POLD3: variants seen among roughly 807,000 people sequenced by gnomAD.
POLD3 encodes the protein DNA polymerase delta 3, accessory subunit.
Under a neutral mutation model 58.2 loss-of-function variants are expected in POLD3, and 19 were observed. That is an observed-to-expected ratio of 0.33 (90% CI 0.23 to 0.48). The LOEUF is 0.48. Ranked by LOEUF, POLD3 falls within the 20% of genes least tolerant of loss-of-function variation. The probability of loss-of-function intolerance (pLI) is 0.99; values close to 1 mark genes in which losing one functional copy is unlikely to be tolerated. For missense variants in POLD3, 504 were observed against 545.5 expected, an observed-to-expected ratio of 0.92 and a Z score of 0.76; for synonymous variants, 172 against 193.5, an observed-to-expected ratio of 0.89 and a Z score of 0.92.
intron 7 of POLD3, among the ~76,000 whole-genome samples, chr11:74,622,846 A>G (rs1461167222): frequency 6.6e-6 from 1 of 152,232 alleles, no homozygotes; most frequent in East Asian, 1.9e-4. Context: ...TATCTACACA[A>G]GGGAATTAAA....
chr11:74,615,984 T>C (rs2032068921), intron 5 of POLD3, among the ~76,000 whole-genome samples: 1 of 152,174 alleles, frequency 6.6e-6, no homozygotes, highest in Admixed American at 6.5e-5. Flanking sequence ...AAGTCTCTTA[T>C]CTTTTAGGGA....
At chr11:74,598,274 G>C (rs2031349793) in intron 2 of POLD3, among the ~76,000 whole-genome samples, 1 of 152,166 alleles carries the variant, frequency 6.6e-6, no homozygotes, top group Non-Finnish European at 1.5e-5. Flanking sequence ...TGTAAGGAAA[G>C]GGTCCAGCAT....
At chr11:74,605,024 TAGG>T (rs2031629323) in intron 3 of POLD3, among the ~76,000 whole-genome samples, 1 of 152,232 alleles carries the variant, frequency 6.6e-6, no homozygotes, top group African/African-American at 2.4e-5. Flanking sequence ...AATAAGATGT[TAGG>T]AGACTGCTTC....
At chr11:74,626,409 T>C (rs1268318997) in intron 8 of POLD3, among the ~76,000 whole-genome samples, 1 of 152,138 alleles carries the variant, frequency 6.6e-6, no homozygotes, top group African/African-American at 2.4e-5. Flanking sequence ...ATTGAGGAAG[T>C]TGTTTTTTGT....
intron 1 of POLD3, chr11:74,593,038 G>A: frequency 8.6e-7 from 1 of 1,156,294 alleles, no homozygotes; most frequent in Non-Finnish European, 1.1e-6. Context: ...TTCTTTTAAG[G>A]TGGTTGGCGT....
At chr11:74,608,735 T>C (rs188898223) in intron 3 of POLD3, among the ~76,000 whole-genome samples, 5 of 152,334 alleles carry the variant, frequency 3.3e-5, no homozygotes, top group African/African-American at 1.2e-4. Context: ...ATTACTGTTT[T>C]TAGGGCTCTT....
At chr11:74,650,374 C>G (rs1012980594) in intron 4 of POLD3, among the ~76,000 whole-genome samples, 1 of 152,164 alleles carries the variant, frequency 6.6e-6, no homozygotes. Context: ...CCACCAGCAC[C>G]CCTACCTTTC....
At chr11:74,666,628 G>C (rs558187159) in intron 4 of POLD3, among the ~76,000 whole-genome samples, 1 of 152,262 alleles carries the variant, frequency 6.6e-6, no homozygotes, top group African/African-American at 2.4e-5. Context: ...AAAAGACTTA[G>C]TAGTATTCTT....
chr11:74,666,643 T>C (rs772527297), intron 4 of POLD3, among the ~76,000 whole-genome samples: 3 of 152,190 alleles, frequency 2.0e-5, no homozygotes, highest in Non-Finnish European at 2.9e-5. Context: ...ATTCTTAAGA[T>C]GGCAATACTC....
At chr11:74,597,400 T>C (rs1337334473) in intron 2 of POLD3, among the ~76,000 whole-genome samples, 2 of 152,226 alleles carry the variant, frequency 1.3e-5, no homozygotes, top group Non-Finnish European at 2.9e-5. Context: ...CACTTAGAGT[T>C]TAAAAAAATC....
At chr11:74,610,352 A>G (rs1228444325) in intron 3 of POLD3, among the ~76,000 whole-genome samples, 1 of 152,032 alleles carries the variant, frequency 6.6e-6, no homozygotes, top group Non-Finnish European at 1.5e-5. Context: ...CTGGGACTAC[A>G]GGCATGCACC....
At chr11:74,645,991 T>G (rs537922349), downstream of POLD3, among the ~76,000 whole-genome samples, 92 of 151,562 alleles carry the variant, frequency 6.1e-4, no homozygotes, top group African/African-American at 2.2e-3. Context: ...CAGGCTGGAG[T>G]GCAGAGGCAC....
At chr11:74,644,146 T>C (rs1385502327), downstream of POLD3, among the ~76,000 whole-genome samples, 1 of 152,232 alleles carries the variant, frequency 6.6e-6, no homozygotes, top group African/African-American at 2.4e-5. Context: ...TCTTTGTTTC[T>C]TTAAGAAGAC....
At chr11:74,599,047 T>C (rs985330285) in intron 2 of POLD3, among the ~76,000 whole-genome samples, 13 of 152,264 alleles carry the variant, frequency 8.5e-5, no homozygotes, top group African/African-American at 3.1e-4. Flanking sequence ...TTTATGTTTG[T>C]TTTGAGATAG....
intron 4 of POLD3, among the ~76,000 whole-genome samples, chr11:74,659,828 G>A (rs1002433249): frequency 6.6e-5 from 10 of 152,304 alleles, no homozygotes; most frequent in Admixed American, 2.0e-4. Flanking sequence ...CAAGTCTTGG[G>A]AAGTTCCAAA....
chr11:74,667,229 C>G (rs1159465331), intron 4 of POLD3, among the ~76,000 whole-genome samples: 1 of 152,216 alleles, frequency 6.6e-6, no homozygotes, highest in Non-Finnish European at 1.5e-5. Context: ...CTTAACACTA[C>G]TGAACTGTAT....
intron 9 of POLD3, 146 bp from the exon 10 acceptor site, chr11:74,634,437 A>G (rs1049980172): frequency 5.8e-6 from 3 of 520,118 alleles, no homozygotes; most frequent in East Asian, 3.1e-5. Context: ...AAAGATAACT[A>G]TATAACTACA....
chr11:74,628,680 AAT>A (rs1222456596), intron 8 of POLD3, among the ~76,000 whole-genome samples: 3 of 152,256 alleles, frequency 2.0e-5, no homozygotes, highest in East Asian at 1.9e-4. Flanking sequence ...TTCTCTTTAA[AAT>A]ATGTTTCCCC....
chr11:74,662,383 C>G (rs1279796480), intron 4 of POLD3, among the ~76,000 whole-genome samples: 1 of 152,012 alleles, frequency 6.6e-6, no homozygotes, highest in Non-Finnish European at 1.5e-5. Context: ...CCCAAGGGCT[C>G]TTTAATCAGC....
Sources: allele counts gnomAD v4.1 joint callset (sites outside exome capture counted in the v4.1 genomes callset), GRCh38; gene constraint gnomAD v4.1.1; transcripts MANE v1.5; gene names NCBI Gene and HGNC (gene_info 2026-07-23, HGNC 2026-07-21).